CRAMP1: variants seen among roughly 807,000 people sequenced by gnomAD.
CRAMP1 encodes protein cramped-like.
A neutral mutation model predicts 115.4 loss-of-function variants in CRAMP1; 50 were observed. That is an observed-to-expected ratio of 0.43 (90% CI 0.35 to 0.55). The LOEUF (loss-of-function observed/expected upper bound fraction) is 0.55. Among genes scored for constraint, CRAMP1 ranks in the 20% least tolerant of loss-of-function variants. The pLI is 0.01. For synonymous variants in CRAMP1, 866 were observed against 745.4 expected, an observed-to-expected ratio of 1.16 and a Z score of -2.64; for missense variants, 1,679 against 1,721.7, an observed-to-expected ratio of 0.98 and a Z score of 0.44.
chr16:1,661,740 C>A (rs1222648220), intron 11 of CRAMP1, among the ~76,000 whole-genome samples: 2 of 152,064 alleles, frequency 1.3e-5, no homozygotes, highest in Non-Finnish European at 2.9e-5. Context: ...GGATTACAGG[C>A]ATGTGCCACC....
intron 2 of CRAMP1, among the ~76,000 whole-genome samples, chr16:1,624,702 T>G (rs1596482945): frequency 6.6e-6 from 1 of 152,098 alleles, no homozygotes. Flanking sequence ...CCTCAGCCCC[T>G]CCCGAGTAGC....
intron 1 of CRAMP1, among the ~76,000 whole-genome samples, chr16:1,613,377 GGAAA>G (rs1339862873): frequency 6.6e-6 from 1 of 152,112 alleles, no homozygotes; most frequent in Non-Finnish European, 1.5e-5. Context: ...CCGATCTCTC[GGAAA>G]GAGAGGTCCT....
Position 1,668,963 on chromosome 16 carries a change from G to A in CRAMP1, c.3335-38G>A, listed in dbSNP as rs763408574. 1.1e-5 allele frequency: 17 copies of A among 1,607,528 alleles called. 1 individual carries two copies. Among genetic ancestry groups the A allele is most frequent in the Middle Eastern group, 3.3e-4 (2 of 6,054 alleles). On this transcript the variant is annotated intron_variant, in intron 18 of 20. Transcript: ENST00000397412. ...GAAGTGAGTTGCTGTTCACCACCCC[G>A]CAACAAGGCGTTTCTGATCTGGGAT...
At chr16:1,629,736 T>C (rs550609487) in intron 3 of CRAMP1, among the ~76,000 whole-genome samples, 3 of 152,346 alleles carry the variant, frequency 2.0e-5, no homozygotes, top group Admixed American at 6.5e-5. Context: ...GGAAGGCCTT[T>C]CACGTGCTGC....
chr16:1,648,787 GGT>G (rs1201383892), intron 6 of CRAMP1, among the ~76,000 whole-genome samples: 1 of 150,888 alleles, frequency 6.6e-6, no homozygotes, highest in Non-Finnish European at 1.5e-5. Context: ...GGCCGGGCGC[GGT>G]GGCTCACGCC....
rs1240765779 is a variant in CRAMP1 at position 1,615,347 on chromosome 16, C to T, written c.346+362C>T. Among the ~76,000 whole-genome samples the T allele has an allele frequency of 2.6e-5, 4 of 152,324 alleles. No homozygotes were observed. In the East Asian group the frequency reaches 7.7e-4, roughly 29 times the overall value. Reference sequence around the variant, plus strand: ...AGAGAAAAAAATACCTGCTGTATCTCTTTCCCAGACATCAGGCGGTGGAAA... The same window carrying T: ...AGAGAAAAAAATACCTGCTGTATCTTTTTCCCAGACATCAGGCGGTGGAAA... On this transcript the variant is annotated intron_variant, in intron 2 of 20. Coordinates refer to ENST00000397412, the MANE Select transcript of CRAMP1 (RefSeq NM_020825.4).
rs1473802660 is a variant in CRAMP1, at chr16:1,656,008, C to A, written c.1251C>A (p.His417Gln). The A allele has an allele frequency of 6.2e-7, 1 of 1,612,830 alleles. No homozygotes were observed. The highest frequency in any genetic ancestry group is 1.1e-5 in the South Asian group (1 of 91,080). Reference sequence around the variant, plus strand: ...TGCCGGGCGTGGCTCGCGTGGTGCACTCCAAGGCCTTCTGCACAGTGCACT... The same window carrying A: ...TGCCGGGCGTGGCTCGCGTGGTGCAATCCAAGGCCTTCTGCACAGTGCACT... ...TPLPGVARVV[H>Q]SKAFCTVHWQ... Residue 417 changes from histidine (H) to glutamine (Q), a missense_variant, in exon 10 of 21, where the codon CAC becomes CAA. By Grantham distance (24) the His-to-Gln change is conservative. Transcript: ENST00000397412. This position sits in a 1 kb window ranked among gnomAD's most constrained non-coding sequence, Gnocchi z 5.6.
chr16:1,653,133 C>G lies in CRAMP1; in HGVS notation c.1014C>G (p.Ser338Arg). 1.2e-6 allele frequency: 2 copies of G among 1,610,430 alleles called. No homozygotes were observed. The highest frequency in any genetic ancestry group is 1.7e-6 in the Non-Finnish European group (2 of 1,178,322). ...RNNHAWARVQ[S>R]LAQNPRLRMI... ...ACCACGCCTGGGCCCGTGTGCAGAGCCTTGCCCAGAACCCACGCCTCAGGT... is the reference window on the plus strand; with the variant it reads ...ACCACGCCTGGGCCCGTGTGCAGAGGCTTGCCCAGAACCCACGCCTCAGGT... Residue 338 changes from serine (S) to arginine (R), a missense_variant, in exon 8 of 21, where the codon AGC (serine) becomes AGG (arginine). Physicochemically the swap from Ser to Arg is moderately radical, Grantham distance 110. Around this residue, in one of 8 missense-constraint regions of CRAMP1, gnomAD observed 191 missense variants for 236.2 expected, o/e 0.81. Coordinates refer to ENST00000397412, the MANE Select transcript of CRAMP1 (RefSeq NM_020825.4).
intron 2 of CRAMP1, among the ~76,000 whole-genome samples, chr16:1,622,384 G>A (rs985047233): frequency 6.6e-6 from 1 of 152,156 alleles, no homozygotes; most frequent in Non-Finnish European, 1.5e-5. Flanking sequence ...GTGGTGGTGT[G>A]CACCCATAAT....
chr16:1,624,775 G>A (rs1227564345), intron 2 of CRAMP1, among the ~76,000 whole-genome samples: 1 of 152,128 alleles, frequency 6.6e-6, no homozygotes, highest in Non-Finnish European at 1.5e-5. Context: ...GTAGAGACGG[G>A]GTTTCACAAT....
chr16:1,613,011 C>T (rs1282997104), intron 1 of CRAMP1, among the ~76,000 whole-genome samples: 3 of 152,064 alleles, frequency 2.0e-5, no homozygotes, highest in African/African-American at 2.4e-5. Context: ...GTGTGGAGCC[C>T]GGCGAGCGGG....
intron 6 of CRAMP1, among the ~76,000 whole-genome samples, chr16:1,649,139 G>A (rs2036701631): frequency 6.6e-6 from 1 of 152,114 alleles, no homozygotes; most frequent in Non-Finnish European, 1.5e-5. Flanking sequence ...CCTCAAGACA[G>A]AAAATCTGTA....
intron 4 of CRAMP1, among the ~76,000 whole-genome samples, chr16:1,634,129 G>T (rs900069219): frequency 6.6e-6 from 1 of 152,174 alleles, no homozygotes; most frequent in Admixed American, 6.5e-5. Flanking sequence ...CAGCAGCGGA[G>T]GGGACTGGGC....
chr16:1,662,951 C>A, intron 13 of CRAMP1, 116 bp downstream of exon 13: 1 of 745,530 alleles, frequency 1.3e-6, no homozygotes, highest in Non-Finnish European at 2.2e-6. Flanking sequence ...CCTGCCCCTT[C>A]CTTCCCTCTT....
intron 10 of CRAMP1, among the ~76,000 whole-genome samples, chr16:1,658,014 T>A (rs1032005059): frequency 6.6e-6 from 1 of 152,166 alleles, no homozygotes; most frequent in Non-Finnish European, 1.5e-5. Context: ...ACACACCCAC[T>A]GCTCCACACA....
chr16:1,669,170 G>C lies in CRAMP1; in HGVS notation c.3499+5G>C. 3 of 1,579,912 alleles carry C rather than the reference G, an allele frequency of 1.9e-6. No homozygotes were observed. Among genetic ancestry groups the C allele is most frequent in the Non-Finnish European group, 1.7e-6 (2 of 1,162,208 alleles). ...CCTCGCTCAGCAGCCTGTTTGGTGA[G>C]TGTATGGGGAGGGCTCCCATCTCCT... is the stretch of plus-strand genomic sequence containing the variant. On this transcript the variant is annotated splice_donor_5th_base_variant and intron_variant, in intron 19 of 20. Coordinates refer to ENST00000397412, the MANE Select transcript of CRAMP1 (RefSeq NM_020825.4). This position sits in a 1 kb window ranked among gnomAD's most constrained non-coding sequence, Gnocchi z 4.6.
At chr16:1,658,687 G>A (rs569996967) in intron 10 of CRAMP1, among the ~76,000 whole-genome samples, 16 of 152,308 alleles carry the variant, frequency 1.1e-4, no homozygotes, top group South Asian at 8.3e-4. Context: ...AGGAGATGCC[G>A]GAGGCTGCTG....
chr16:1,615,276 C>T (rs1387305021), intron 2 of CRAMP1, among the ~76,000 whole-genome samples: 7 of 152,172 alleles, frequency 4.6e-5, no homozygotes, highest in Non-Finnish European at 1.0e-4. Flanking sequence ...TGATGGTTTT[C>T]TATGGTTTTG....
intron 6 of CRAMP1, among the ~76,000 whole-genome samples, chr16:1,642,280 A>G (rs978235931): frequency 7.2e-5 from 11 of 151,784 alleles, no homozygotes; most frequent in Non-Finnish European, 5.9e-5. Context: ...TGACCTGGGA[A>G]CCCTCCCTGC....
Sources: gnomAD v4.1 joint callset for allele counts (sites outside exome capture counted in the v4.1 genomes callset) on GRCh38, gnomAD v4.1.1 for gene constraint, gnomAD v4.1.1 regional missense constraint, Gnocchi (gnomAD v3.1) non-coding constraint, MANE v1.5 for transcripts, NCBI Gene and HGNC (gene_info 2026-07-23, HGNC 2026-07-21) for gene names.